ZFPM2: variants seen among roughly 807,000 people sequenced by gnomAD.
ZFPM2 encodes the protein zinc finger protein, FOG family member 2.
ZFPM2 carries 20 observed loss-of-function variants against 98.6 expected under a neutral mutation model. That is an observed-to-expected ratio of 0.20 (90% CI 0.14 to 0.29). The LOEUF is 0.29. Ranked by LOEUF, ZFPM2 falls within the 10% of genes least tolerant of loss-of-function variation. The pLI, the probability that ZFPM2 is intolerant of heterozygous loss-of-function variation, is 1.00. For missense variants in ZFPM2, 1,310 were observed against 1,388.6 expected, an observed-to-expected ratio of 0.94 and a Z score of 0.90; for synonymous variants, 518 against 502.7, an observed-to-expected ratio of 1.03 and a Z score of -0.41.
intron 1 of ZFPM2, among the ~76,000 whole-genome samples, chr8:105,406,441 T>C (rs1188172943): frequency 6.6e-6 from 1 of 152,008 alleles, no homozygotes; most frequent in East Asian, 1.9e-4. Flanking sequence ...TTACACCTTA[T>C]ACAAAAATTA....
chr8:105,676,333 T>C (rs1318412178), intron 5 of ZFPM2, among the ~76,000 whole-genome samples: 3 of 152,150 alleles, frequency 2.0e-5, no homozygotes, highest in African/African-American at 7.2e-5. Context: ...TTGTGGAAGA[T>C]AACTCAAGAT....
chr8:105,370,864 T>C (rs974032555), intron 1 of ZFPM2, among the ~76,000 whole-genome samples: 3 of 152,206 alleles, frequency 2.0e-5, no homozygotes, highest in Non-Finnish European at 4.4e-5. Flanking sequence ...GAACGCAACT[T>C]ATCTAACTCC....
At chr8:105,710,181 T>A (rs998830163) in intron 5 of ZFPM2, among the ~76,000 whole-genome samples, 2 of 152,114 alleles carry the variant, frequency 1.3e-5, no homozygotes, top group Non-Finnish European at 2.9e-5. Flanking sequence ...AATAAAGTTA[T>A]GCTGCAGTTA....
At chr8:105,447,329 CA>C (rs1812396032) in intron 3 of ZFPM2, among the ~76,000 whole-genome samples, 1 of 150,238 alleles carries the variant, frequency 6.7e-6, no homozygotes, top group Non-Finnish European at 1.5e-5. Context: ...AAAAAAAAAC[CA>C]AAAACCTGTT....
chr8:105,798,538 G>A (rs1813901012), intron 6 of ZFPM2, 186 bp from the exon 7 acceptor site: 4 of 533,394 alleles, frequency 7.5e-6, no homozygotes, highest in Non-Finnish European at 1.0e-5. Flanking sequence ...TTAAATTGCA[G>A]AGTACAACAT....
At chr8:105,492,555 C>A (rs557448637) in intron 3 of ZFPM2, among the ~76,000 whole-genome samples, 1 of 152,148 alleles carries the variant, frequency 6.6e-6, no homozygotes, top group Non-Finnish European at 1.5e-5. Flanking sequence ...TAAAGGCCAA[C>A]AAAGTGTCAA....
chr8:105,584,748 G>T (rs1815676229), intron 4 of ZFPM2, among the ~76,000 whole-genome samples: 1 of 152,260 alleles, frequency 6.6e-6, no homozygotes, highest in Admixed American at 6.5e-5. Flanking sequence ...AAACTAGTCT[G>T]GACAATGTCT....
chr8:105,441,469 A>AGGAAGGAAGGAAGGAAGGAAG (rs1812243213), intron 2 of ZFPM2, among the ~76,000 whole-genome samples: 1 of 68,360 alleles, frequency 1.5e-5, no homozygotes, highest in African/African-American at 1.2e-4. Context: ...AAAGAAAGAA[A>AGGAAGGAAGGAAGGAAGGAAG]GAAAGAAAGA....
chr8:105,688,498 A>G (rs1277701047), intron 5 of ZFPM2, among the ~76,000 whole-genome samples: 2 of 152,154 alleles, frequency 1.3e-5, no homozygotes, highest in Non-Finnish European at 2.9e-5. Context: ...AAATTTAGGC[A>G]AACTTTTGGG....
At chr8:105,397,692 A>C (rs560161953) in intron 1 of ZFPM2, among the ~76,000 whole-genome samples, 60 of 152,264 alleles carry the variant, frequency 3.9e-4, no homozygotes, top group Non-Finnish European at 2.4e-4. Context: ...TTGACAATTA[A>C]GTTTTATTAA....
intron 5 of ZFPM2, among the ~76,000 whole-genome samples, chr8:105,636,566 G>A (rs1816851428): frequency 6.6e-6 from 1 of 152,098 alleles, no homozygotes; most frequent in Admixed American, 6.6e-5. Context: ...TAGCTGTGAT[G>A]GCTTGCCTCT....
chr8:105,650,225 C>A (rs1199990072), intron 5 of ZFPM2, among the ~76,000 whole-genome samples: 1 of 151,944 alleles, frequency 6.6e-6, no homozygotes, highest in Non-Finnish European at 1.5e-5. Context: ...TGGTGATATC[C>A]CTTTTATCAC....
chr8:105,801,589 T>G lies in ZFPM2; in HGVS notation c.1507T>G (p.Phe503Val), dbSNP rs1814017836. ...PVGPFLSQFS[F>V]PQDITMVPQA... ...GGGCCCTTTCCTATCTCAGTTTTCT[T>G]TCCCCCAAGATATCACCATGGTCCC... is the stretch of plus-strand genomic sequence containing the variant. Residue 503 changes from phenylalanine (F) to valine (V), a missense_variant, in exon 8 of 8, where the codon TTC (phenylalanine) becomes GTC (valine). Physicochemically the swap from Phe to Val is conservative, Grantham distance 50. Coordinates refer to ENST00000407775, the MANE Select transcript of ZFPM2 (RefSeq NM_012082.4). The G allele has an allele frequency of 5.0e-6, 8 of 1,613,776 alleles. No individual in the cohort carries two copies. Among genetic ancestry groups the G allele is most frequent in the Non-Finnish European group, 5.9e-6 (7 of 1,179,874 alleles).
chr8:105,661,926 A>G (rs1039688552), intron 5 of ZFPM2, among the ~76,000 whole-genome samples: 1 of 151,938 alleles, frequency 6.6e-6, no homozygotes, highest in Non-Finnish European at 1.5e-5. Context: ...TAGGTTTTTA[A>G]TCTTCCACTC....
chr8:105,396,653 G>A (rs1432392475), intron 1 of ZFPM2, among the ~76,000 whole-genome samples: 1 of 152,136 alleles, frequency 6.6e-6, no homozygotes, highest in African/African-American at 2.4e-5. Context: ...AATATCTTCC[G>A]TTAGTGCATG....
intron 4 of ZFPM2, among the ~76,000 whole-genome samples, chr8:105,599,075 C>A (rs181672901): frequency 6.6e-6 from 1 of 151,920 alleles, no homozygotes; most frequent in Admixed American, 6.6e-5. Flanking sequence ...ACTGTGGACC[C>A]GCAAAAAATT....
intron 4 of ZFPM2, among the ~76,000 whole-genome samples, chr8:105,600,030 G>A (rs1816059282): frequency 6.6e-6 from 1 of 152,142 alleles, no homozygotes; most frequent in Non-Finnish European, 1.5e-5. Flanking sequence ...GCAGGAACTT[G>A]TGGAAATATT....
intron 6 of ZFPM2, among the ~76,000 whole-genome samples, chr8:105,790,492 T>A (rs934378959): frequency 6.6e-6 from 1 of 152,182 alleles, no homozygotes; most frequent in Non-Finnish European, 1.5e-5. Context: ...TTTTGGTTAC[T>A]GTAGCCTTGT....
chr8:105,331,514 T>G (rs1280973161), intron 1 of ZFPM2, among the ~76,000 whole-genome samples: 1 of 151,738 alleles, frequency 6.6e-6, no homozygotes, highest in East Asian at 1.9e-4. Flanking sequence ...ATGTACTTTA[T>G]GTAGAGAAAT....
Sources: allele counts gnomAD v4.1 joint callset (sites outside exome capture counted in the v4.1 genomes callset), GRCh38; gene constraint gnomAD v4.1.1; transcripts MANE v1.5; gene names NCBI Gene and HGNC (gene_info 2026-07-23, HGNC 2026-07-21).